Variants in ZFYVE28 observed in about 807,000 individuals in gnomAD.
ZFYVE28 encodes zinc finger FYVE-type containing 28.
Under a neutral mutation model 82.1 loss-of-function variants are expected in ZFYVE28, and 40 were observed. That is an observed-to-expected ratio of 0.49 (90% CI 0.38 to 0.63). The LOEUF (loss-of-function observed/expected upper bound fraction) is 0.63, where lower values mean the gene tolerates loss of function less well. Ranked by LOEUF, ZFYVE28 falls within the 30% of genes least tolerant of loss-of-function variation. ZFYVE28 has a pLI of 0.00. For missense variants in ZFYVE28, 1,321 were observed against 1,242.1 expected (o/e 1.06, Z -0.96); for synonymous variants, 612 against 546.1 (o/e 1.12, Z -1.68).
At chr4:2,334,073 C>A (rs551174300) in intron 6 of ZFYVE28, among the ~76,000 whole-genome samples, 1 of 152,182 alleles carries the variant, frequency 6.6e-6, no homozygotes, top group African/African-American at 2.4e-5. Flanking sequence ...TTCCCTGAGT[C>A]TAACGGCAGG....
At chr4:2,303,255 G>C (rs1409848676) in intron 8 of ZFYVE28, among the ~76,000 whole-genome samples, 1 of 152,178 alleles carries the variant, frequency 6.6e-6, no homozygotes. Context: ...CGACCTGGGA[G>C]GACCGAGCAC....
chr4:2,284,436 G>A (rs1436007820), intron 8 of ZFYVE28, among the ~76,000 whole-genome samples: 1 of 152,232 alleles, frequency 6.6e-6, no homozygotes, highest in Non-Finnish European at 1.5e-5. Context: ...ACGGGGCACA[G>A]TGGTGGACAA....
rs1195744742 is a variant in ZFYVE28 at position 2,270,735 on chromosome 4, G to C, written c.2654C>G (p.Ala885Gly). The C allele has an allele frequency of 1.9e-6, 3 of 1,613,150 alleles. No individual in the cohort carries two copies. The highest frequency in any genetic ancestry group is 2.5e-6 in the Non-Finnish European group (3 of 1,179,910). Reference sequence around the variant, plus strand: ...GCCCCTGGCACCACGTCACAGGCCGGCCTTGTCGCTGTAGAAGGGCGTGAC... The same window carrying C: ...GCCCCTGGCACCACGTCACAGGCCGCCCTTGTCGCTGTAGAAGGGCGTGAC... ...FHVTPFYSDKAGL is the reference protein window; with the variant it reads ...FHVTPFYSDKGGL Residue 885 changes from alanine to glycine, a missense_variant, in exon 13 of 13, where the codon GCC becomes GGC. Transcript: ENST00000290974.
chr4:2,292,469 G>A (rs377758426), intron 8 of ZFYVE28, among the ~76,000 whole-genome samples: 15 of 152,312 alleles, frequency 9.8e-5, no homozygotes, highest in African/African-American at 2.9e-4. Flanking sequence ...AAGGGAAGCC[G>A]ATTGCAGGGG....
Position 2,417,493 on chromosome 4 carries a change from C to A in ZFYVE28, c.39+792G>T, listed in dbSNP as rs1235381173. 6.6e-6 allele frequency among the ~76,000 whole-genome samples: 1 copy of A among 151,194 alleles called. No homozygotes were observed. Among genetic ancestry groups the A allele is most frequent in the Non-Finnish European group, 1.5e-5 (1 of 67,736 alleles). On this transcript the variant is annotated intron_variant, in intron 1 of 12. Transcript: ENST00000290974. This position sits in a 1 kb window ranked among gnomAD's most constrained non-coding sequence, Gnocchi z 4.8. ...CCCGCGGCGCTAGGAGAGGCGCGGG[C>A]GCCGGCTGGAGAGCCGCACCTCCCG...
intron 8 of ZFYVE28, among the ~76,000 whole-genome samples, chr4:2,303,091 G>A (rs1242281869): frequency 6.6e-6 from 1 of 152,234 alleles, no homozygotes; most frequent in African/African-American, 2.4e-5. Context: ...CTGATGGGGA[G>A]TGGGGAGGGA....
intron 1 of ZFYVE28, among the ~76,000 whole-genome samples, chr4:2,366,459 G>C (rs908101147): frequency 6.6e-6 from 1 of 152,298 alleles, no homozygotes; most frequent in South Asian, 2.1e-4. Flanking sequence ...TGCACCTGCT[G>C]TCTCACCAAG....
intron 8 of ZFYVE28, among the ~76,000 whole-genome samples, chr4:2,293,345 A>C (rs1250576540): frequency 6.6e-6 from 1 of 152,186 alleles, no homozygotes; most frequent in Non-Finnish European, 1.5e-5. Flanking sequence ...GAAAACAAGC[A>C]AAACTGCTTT....
intron 6 of ZFYVE28, chr4:2,324,968 A>G: frequency 5.8e-6 from 1 of 173,834 alleles, no homozygotes; most frequent in East Asian, 1.3e-4. Flanking sequence ...TTATTAGGGA[A>G]AGCAATCTTC....
Position 2,304,539 on chromosome 4 carries a change from T to G in ZFYVE28, c.1801A>C (p.Lys601Gln). The change falls in exon 8 of 13, where the codon AAG (lysine) becomes CAG (glutamine). Residue 601 changes from lysine to glutamine, a missense_variant. By Grantham distance (53) the Lys-to-Gln change is moderately conservative. Around this residue, in one of 2 missense-constraint regions of ZFYVE28, gnomAD observed 978 missense variants for 833.7 expected, o/e 1.17. Coordinates refer to ENST00000290974, the MANE Select transcript of ZFYVE28 (RefSeq NM_020972.3). The stretch of plus-strand genomic sequence containing the variant: ...CTCTCAGGGGCCCTGTCGCTGGCCT[T>G]GGCTAAGCCGGCAGCGTACGAGGCA... ...IGASYAAGLA[K>Q]ASDRAPERQE... 4 of 1,612,750 alleles carry G rather than the reference T, an allele frequency of 2.5e-6. No individual in the cohort carries two copies. Among genetic ancestry groups the G allele is most frequent in the Middle Eastern group, 1.7e-4 (1 of 6,060 alleles).
chr4:2,330,835 G>T lies in ZFYVE28; in HGVS notation c.701+4870C>A, dbSNP rs1463703044. The stretch of plus-strand genomic sequence containing the variant: ...AGCATGGTGGAGACCCAGGGCAGCG[G>T]GTGCGTGGGGACTGGGGAGAGAGGA... On this transcript the variant is annotated intron_variant, in intron 6 of 12. Transcript: ENST00000290974. 3.9e-6 allele frequency: 6 copies of T among 1,535,006 alleles called. No homozygotes were observed. In the African/African-American group the frequency reaches 8.3e-5, roughly 21 times the overall value.
chr4:2,355,256 AT>A lies in ZFYVE28; in HGVS notation c.40-1184del, dbSNP rs1725120049. The stretch of plus-strand genomic sequence containing the variant: ...TATATATATATATATATATATATAT[AT>A]ATATATATATATATAATGATTCTTC... On this transcript the variant is annotated intron_variant, in intron 1 of 12. Transcript: ENST00000290974. Among the ~76,000 whole-genome samples, 33 of 15,930 alleles carry A rather than the reference AT, an allele frequency of 2.1e-3. 4 individuals are homozygous for A. Among genetic ancestry groups the A allele is most frequent in the African/African-American group, 7.4e-3 (18 of 2,424 alleles). 10.5% of individuals were successfully genotyped at this position (15,930 alleles called of 152,430 possible).
At chr4:2,388,870 T>C (rs1188959837) in intron 1 of ZFYVE28, among the ~76,000 whole-genome samples, 2 of 151,818 alleles carry the variant, frequency 1.3e-5, no homozygotes, top group African/African-American at 4.8e-5. Flanking sequence ...GGAGGGAGCT[T>C]AACAATTTCA....
At chr4:2,291,524 C>T (rs1713696591) in intron 8 of ZFYVE28, among the ~76,000 whole-genome samples, 1 of 152,228 alleles carries the variant, frequency 6.6e-6, no homozygotes, top group South Asian at 2.1e-4. Flanking sequence ...CTGATGCTGC[C>T]AGGAGCAGGG....
At chr4:2,275,747 T>C (rs1736366042) in intron 8 of ZFYVE28, among the ~76,000 whole-genome samples, 1 of 152,232 alleles carries the variant, frequency 6.6e-6, no homozygotes, top group African/African-American at 2.4e-5. Context: ...ACCGTTTCAG[T>C]AAAGCCAGGG....
chr4:2,403,533 T>A (rs1010863063), intron 1 of ZFYVE28, among the ~76,000 whole-genome samples: 5 of 152,058 alleles, frequency 3.3e-5, no homozygotes, highest in African/African-American at 1.2e-4. Flanking sequence ...ACAGGAGAAG[T>A]GGGAGTCCTA....
At chr4:2,380,374 A>C (rs1728606341) in intron 1 of ZFYVE28, among the ~76,000 whole-genome samples, 1 of 152,184 alleles carries the variant, frequency 6.6e-6, no homozygotes, top group South Asian at 2.1e-4. Context: ...CAATAGAGGA[A>C]CTTCCTGCCA....
intron 6 of ZFYVE28, among the ~76,000 whole-genome samples, chr4:2,325,420 A>T (rs1033457272): frequency 6.6e-6 from 1 of 152,184 alleles, no homozygotes; most frequent in Non-Finnish European, 1.5e-5. Context: ...CAGGTGAAAA[A>T]TCACTCTAAC....
intron 1 of ZFYVE28, among the ~76,000 whole-genome samples, chr4:2,403,578 C>G (rs1731433346): frequency 6.6e-6 from 1 of 152,176 alleles, no homozygotes; most frequent in Admixed American, 6.5e-5. Context: ...TGGGGCAGCT[C>G]AAAGCCATAG....
Sources: allele counts gnomAD v4.1 joint callset (sites outside exome capture counted in the v4.1 genomes callset), GRCh38; gene constraint gnomAD v4.1.1; regional missense constraint gnomAD v4.1.1; non-coding constraint Gnocchi (gnomAD v3.1); transcripts MANE v1.5; gene names NCBI Gene and HGNC (gene_info 2026-07-23, HGNC 2026-07-21).